Variants in GLYATL1 observed in about 807,000 individuals in gnomAD.
GLYATL1 encodes the protein glycine N-acyltransferase-like protein 1.
In GLYATL1, 15 loss-of-function variants were observed where a neutral mutation model predicts 20.0. That is an observed-to-expected ratio of 0.75 (90% CI 0.50 to 1.15). GLYATL1 has a LOEUF of 1.15. GLYATL1 is among the 50% of genes most tolerant of loss of function. The pLI is 0.00. For missense variants in GLYATL1, 380 were observed against 368.5 expected (o/e 1.03, Z -0.26); for synonymous variants, 151 against 131.5 (o/e 1.15, Z -1.01).
upstream of GLYATL1, among the ~76,000 whole-genome samples, chr11:58,926,123 T>C (rs555395627): frequency 1.1e-4 from 16 of 152,352 alleles, no homozygotes; most frequent in South Asian, 3.3e-3. Flanking sequence ...TTGCCATAAC[T>C]GCTTAGGTTC....
intron 1 of GLYATL1, chr11:58,905,739 A>AGGGGG: frequency 4.2e-4 from 1 of 2,384 alleles, no homozygotes. Flanking sequence ...CTGGACAAAT[A>AGGGGG]GGGAGGGTGG....
At position 58,939,550 on chromosome 11, in the gene GLYATL1, G is replaced by A. The variant is rs1855993675; in HGVS notation, c.-267G>A. On this transcript the variant is annotated 5_prime_UTR_variant, in exon 1 of 7. Coordinates refer to ENST00000532726, the MANE Select transcript of GLYATL1 (RefSeq NM_001389712.2). Reference sequence around the variant, plus strand: ...GCAGCTGCTTACCCAATTTTGGCTGGAGAGATAAGTACCCTCTGGGGCCAC... The same window carrying A: ...GCAGCTGCTTACCCAATTTTGGCTGAAGAGATAAGTACCCTCTGGGGCCAC... 1 of 152,186 alleles carries A rather than the reference G, an allele frequency of 6.6e-6. No individual in the cohort carries two copies. The highest frequency in any genetic ancestry group is 2.4e-5 in the African/African-American group (1 of 41,434). 9.4% of individuals were successfully genotyped at this position (152,186 alleles called of 1,614,324 possible).
upstream of GLYATL1, among the ~76,000 whole-genome samples, chr11:58,926,679 A>T (rs182994209): frequency 1.3e-5 from 2 of 151,260 alleles, no homozygotes; most frequent in East Asian, 3.9e-4. Flanking sequence ...AGGAATTTTG[A>T]TGATATCGAG....
At chr11:58,913,003 A>G (rs1855087688), downstream of GLYATL1, among the ~76,000 whole-genome samples, 1 of 152,204 alleles carries the variant, frequency 6.6e-6, no homozygotes, top group South Asian at 2.1e-4. Flanking sequence ...AAGACATCCA[A>G]TGGAAGGCCA....
Position 58,955,262 on chromosome 11 carries a change from G to A in GLYATL1, c.400G>A (p.Val134Ile), listed in dbSNP as rs769840745. Reference sequence around the variant, plus strand: ...AGAGCATTCGAGAGCACTCCTCTTGGTTACGGAAGATATTCTGAAGCTCAA... The same window carrying A: ...AGAGCATTCGAGAGCACTCCTCTTGATTACGGAAGATATTCTGAAGCTCAA... ...KVEHSRALLLVTEDILKLNAS... is the reference protein window; with the variant it reads ...KVEHSRALLLITEDILKLNAS... Residue 134 changes from valine (V) to isoleucine (I), a missense_variant, in exon 6 of 7, where the codon GTT (valine) becomes ATT (isoleucine). Val to Ile is a conservative substitution (Grantham distance 29). Coordinates refer to ENST00000532726, the MANE Select transcript of GLYATL1 (RefSeq NM_001389712.2). The A allele has an allele frequency of 1.2e-6, 2 of 1,614,130 alleles. No homozygotes were observed. The highest frequency in any genetic ancestry group is 1.7e-6 in the Non-Finnish European group (2 of 1,179,982).
upstream of GLYATL1, chr11:58,935,213 G>C (rs11229705): frequency 0.16 from 24,126 of 152,330 alleles, 2,086 homozygotes; most frequent in East Asian, 0.31. Context: ...AGGCAAGCCT[G>C]GAGCCTGGGC....
downstream of GLYATL1, among the ~76,000 whole-genome samples, chr11:58,910,878 G>C (rs10896876): frequency 6.6e-6 from 1 of 151,992 alleles, no homozygotes; most frequent in African/African-American, 2.4e-5. Flanking sequence ...AACACCTACA[G>C]TCATGTAACC....
rs1362209572 is a variant in GLYATL1 at position 58,947,107 on chromosome 11, C to T, written c.20C>T (p.Ser7Phe). Reference sequence around the variant, plus strand: ...CACAGAATGATCCTACTGAATAACTCCCATAAGCTGCTGGCCCTATACAAA... The same window carrying T: ...CACAGAATGATCCTACTGAATAACTTCCATAAGCTGCTGGCCCTATACAAA... MILLNN[S>F]HKLLALYKSL... Residue 7 changes from serine to phenylalanine, a missense_variant, in exon 3 of 7, where the codon TCC (serine) becomes TTC (phenylalanine). Coordinates refer to ENST00000532726, the MANE Select transcript of GLYATL1 (RefSeq NM_001389712.2). 3.7e-6 allele frequency: 6 copies of T among 1,613,900 alleles called. No individual in the cohort carries two copies.
chr11:58,913,535 A>G (rs1441791466), downstream of GLYATL1, among the ~76,000 whole-genome samples: 4 of 152,184 alleles, frequency 2.6e-5, no homozygotes, highest in Admixed American at 6.5e-5. Context: ...TTCAATGAAC[A>G]CTTCTTACAA....
intron 1 of GLYATL1, chr11:58,928,502 A>G (rs1216599522): frequency 6.6e-6 from 1 of 152,216 alleles, no homozygotes; most frequent in African/African-American, 2.4e-5. Flanking sequence ...CTGTCCTCAC[A>G]CAGCTCTCCT....
chr11:58,933,370 C>T (rs1469159053), intron 1 of GLYATL1, among the ~76,000 whole-genome samples: 2 of 152,196 alleles, frequency 1.3e-5, no homozygotes, highest in African/African-American at 2.4e-5. Flanking sequence ...TACCTACCTA[C>T]TAAATGATCC....
intron 4 of GLYATL1, among the ~76,000 whole-genome samples, chr11:58,954,525 C>T (rs1412829432): frequency 6.6e-6 from 1 of 152,054 alleles, no homozygotes; most frequent in African/African-American, 2.4e-5. Flanking sequence ...CTTAGTTCTG[C>T]ATGTGATAAG....
chr11:58,929,916 A>G (rs994783947), intron 1 of GLYATL1, among the ~76,000 whole-genome samples: 44 of 152,226 alleles, frequency 2.9e-4, no homozygotes, highest in Non-Finnish European at 4.8e-4. Context: ...AAGCTGGGGC[A>G]GTCTTAGAGT....
upstream of GLYATL1, among the ~76,000 whole-genome samples, chr11:58,927,367 AT>A (rs1487048909): frequency 6.6e-6 from 1 of 152,208 alleles, no homozygotes; most frequent in African/African-American, 2.4e-5. Flanking sequence ...AGCACAGGAA[AT>A]TTTGCTGTGG....
intron 1 of GLYATL1, chr11:58,943,328 C>T (rs746844057): frequency 3.5e-5 from 55 of 1,550,574 alleles, no homozygotes; most frequent in South Asian, 7.2e-5. Context: ...ATAAGGCAAG[C>T]GCCCAGTTGT....
intron 4 of GLYATL1, among the ~76,000 whole-genome samples, chr11:58,954,304 G>A (rs1857220105): frequency 1.3e-5 from 2 of 152,234 alleles, no homozygotes; most frequent in South Asian, 4.1e-4. Context: ...GTGTCCCACA[G>A]TAGGTTACCT....
Position 58,954,839 on chromosome 11 carries a change from G to C in GLYATL1, c.256G>C (p.Glu86Gln), listed in dbSNP as rs749597673. The C allele has an allele frequency of 1.2e-6, 2 of 1,612,956 alleles. No homozygotes were observed. Among genetic ancestry groups the C allele is most frequent in the Non-Finnish European group, 8.5e-7 (1 of 1,179,468 alleles). The change falls in exon 5 of 7, where the codon GAA becomes CAA. Residue 86 changes from glutamate (E) to glutamine (Q), a missense_variant. Transcript: ENST00000532726. ...RMFSKEPQKS[E>Q]EVLKNCEIVN... ...GTTCTCCAAAGAGCCTCAAAAATCAGAAGAAGTTTTGAAAAATTGTGAGAT... is the reference window on the plus strand; with the variant it reads ...GTTCTCCAAAGAGCCTCAAAAATCACAAGAAGTTTTGAAAAATTGTGAGAT...
downstream of GLYATL1, among the ~76,000 whole-genome samples, chr11:58,912,566 G>C (rs916886755): frequency 6.6e-6 from 1 of 152,224 alleles, no homozygotes; most frequent in African/African-American, 2.4e-5. Flanking sequence ...CCCAGACTTA[G>C]AGCCCTCTGA....
At chr11:58,931,448 G>A (rs1855597641) in intron 1 of GLYATL1, among the ~76,000 whole-genome samples, 1 of 152,150 alleles carries the variant, frequency 6.6e-6, no homozygotes, top group South Asian at 2.1e-4. Context: ...ACAATCTTAT[G>A]TTGCAAACCT....
Sources: allele counts gnomAD v4.1 joint callset (sites outside exome capture counted in the v4.1 genomes callset), GRCh38; gene constraint gnomAD v4.1.1; transcripts MANE v1.5; gene names NCBI Gene and HGNC (gene_info 2026-07-23, HGNC 2026-07-21).